ARL13A: variants seen among roughly 807,000 people sequenced by gnomAD.
ARL13A encodes ADP-ribosylation factor-like protein 13A.
In ARL13A, 16 loss-of-function variants were observed where a neutral mutation model predicts 19.1. The observed-to-expected ratio is 0.84, with a 90% CI of 0.57 to 1.27. ARL13A has a LOEUF of 1.27. ARL13A is among the 50% of genes most tolerant of loss of function. The pLI is 0.00. For synonymous variants in ARL13A, 69 were observed against 71.3 expected (o/e 0.97, Z 0.17); for missense variants, 153 against 186.4 (o/e 0.82, Z 1.04).
Position 100,986,856 on chromosome X carries a change from A to G in ARL13A, c.441A>G (p.Leu147=), listed in dbSNP as rs1294528707. 1 of 1,203,172 alleles carries G rather than the reference A, an allele frequency of 8.3e-7. No homozygotes were observed. The highest frequency in any genetic ancestry group is 2.2e-5 in the Admixed American group (1 of 45,070). Residue 147 remains leucine (L), a synonymous_variant, in exon 5 of 8, where the codon CTA becomes CTG. Coordinates refer to ENST00000450049, the MANE Select transcript of ARL13A (RefSeq NM_001162491.2). Reference sequence around the variant, plus strand: ...TGCCTTGTGATATTATTGACTATCTACTTCTAAAGAAGCTAGTGAAAGAGA... The same window carrying G: ...TGCCTTGTGATATTATTGACTATCTGCTTCTAAAGAAGCTAGTGAAAGAGA... ...ALMPCDIIDY[L]LLKKLVKENK...
intron 3 of ARL13A, 45 bp from the exon 4 acceptor site, chrX:100,985,622 G>A: frequency 8.5e-7 from 1 of 1,175,271 alleles, no homozygotes; most frequent in East Asian, 3.0e-5. Context: ...TGAGTATGGA[G>A]TTTCGATCTA....
At chrX:100,973,429 G>T (rs900400059) in intron 1 of ARL13A, among the ~76,000 whole-genome samples, 1 of 105,936 alleles carries the variant, frequency 9.4e-6, no homozygotes, top group Non-Finnish European at 2.0e-5. Context: ...CCCGGGCGGC[G>T]CTCGCCGGCG....
At chrX:100,972,353 G>C (rs1333484355) in intron 1 of ARL13A, among the ~76,000 whole-genome samples, 1 of 95,001 alleles carries the variant, frequency 1.1e-5, no homozygotes, top group Non-Finnish European at 2.2e-5. Context: ...CTGGCCGGGC[G>C]GGGGGCTGAC....
intron 5 of ARL13A, 118 bp downstream of exon 5, chrX:100,987,019 ACAC>A: frequency 2.2e-6 from 1 of 446,609 alleles, no homozygotes; most frequent in Non-Finnish European, 3.8e-6. Flanking sequence ...CTGTCAGGCA[ACAC>A]CCACAGTGAT....
At position 100,973,757 on chromosome X, in the gene ARL13A, A is replaced by G; in HGVS notation, c.59+9A>G. 1.7e-6 allele frequency: 2 copies of G among 1,208,268 alleles called. No homozygotes were observed. The highest frequency in any genetic ancestry group is 3.5e-5 in the South Asian group (2 of 56,783). ...ACAGAAGAGACACGAAGGTAATATT[A>G]CAATTATTTCCCTAGGCCTATTCCA... On this transcript the variant is annotated intron_variant, in intron 2 of 7. Coordinates refer to ENST00000450049, the MANE Select transcript of ARL13A (RefSeq NM_001162491.2).
At chrX:100,980,915 T>C (rs1356978794) in intron 3 of ARL13A, among the ~76,000 whole-genome samples, 9 of 111,894 alleles carry the variant, frequency 8.0e-5, no homozygotes, top group African/African-American at 2.9e-4. Context: ...AAATGGGGGC[T>C]TCGGGACTCT....
intron 3 of ARL13A, among the ~76,000 whole-genome samples, chrX:100,977,369 CTTTTTTTT>C (rs59915769): frequency 1.8e-5 from 1 of 56,462 alleles, no homozygotes; most frequent in African/African-American, 7.2e-5. Context: ...CTACTCTCTT[CTTTTTTTT>C]TTTTTTTTTT....
rs2085953002 is a variant in ARL13A, at chrX:100,987,494, T to C, written c.591T>C (p.Pro197=). 8.3e-7 allele frequency: 1 copy of C among 1,211,383 alleles called. No individual in the cohort carries two copies. Among genetic ancestry groups the C allele is most frequent in the Admixed American group, 2.2e-5 (1 of 45,997 alleles). The part of the protein sequence containing the change: ...LAVIDTCQLP[P]TSSISISKNN... ...TCATTGATACTTGCCAACTACCACC[T>C]ACCTCGAGCATCTCAATCTCCAAGA... Residue 197 remains proline, a synonymous_variant, in exon 6 of 8, where the codon CCT becomes CCC. Coordinates refer to ENST00000450049, the MANE Select transcript of ARL13A (RefSeq NM_001162491.2).
chrX:100,981,026 C>G lies in ARL13A; in HGVS notation c.131-4641C>G, dbSNP rs188704097. Among the ~76,000 whole-genome samples, 6 of 111,861 alleles carry G rather than the reference C, an allele frequency of 5.4e-5. No homozygotes were observed. In the Admixed American group the frequency reaches 5.7e-4, roughly 11 times the overall value. On this transcript the variant is annotated intron_variant, in intron 3 of 7. Transcript: ENST00000450049. Reference sequence around the variant, plus strand: ...CTCCTGGAGCTGCAAGCTGTGCTGCCCGGCACTGGTGGGAGGGGTGACACA... The same window carrying G: ...CTCCTGGAGCTGCAAGCTGTGCTGCGCGGCACTGGTGGGAGGGGTGACACA...
intron 4 of ARL13A, 110 bp from the exon 5 acceptor site, chrX:100,986,686 A>C (rs969417377): frequency 8.7e-6 from 4 of 457,336 alleles, no homozygotes; most frequent in Non-Finnish European, 1.5e-5. Context: ...GATATGTAGC[A>C]GTTATAGTAG....
chrX:100,981,455 G>A (rs2085853335), intron 3 of ARL13A, among the ~76,000 whole-genome samples: 1 of 109,980 alleles, frequency 9.1e-6, no homozygotes, highest in Admixed American at 9.7e-5. Flanking sequence ...AAAGGGTGGT[G>A]CTGGTGATTC....
chrX:100,988,268 A>G lies in ARL13A; in HGVS notation c.729A>G (p.Leu243=), dbSNP rs777557243. 1.7e-6 allele frequency: 2 copies of G among 1,207,612 alleles called. No homozygotes were observed. The highest frequency in any genetic ancestry group is 4.4e-5 in the Admixed American group (2 of 45,565). ...LEQCSIEAKP[L]KSILQPSNQS... is the part of the protein sequence containing the mutation. Reference sequence around the variant, plus strand: ...AATGCTCAATCGAAGCTAAGCCTCTAAAGTCAATCCTACAGGTAAATGGCC... The same window carrying G: ...AATGCTCAATCGAAGCTAAGCCTCTGAAGTCAATCCTACAGGTAAATGGCC... Residue 243 remains leucine (L), a synonymous_variant, in exon 7 of 8, where the codon CTA becomes CTG. Coordinates refer to ENST00000450049, the MANE Select transcript of ARL13A (RefSeq NM_001162491.2).
chrX:100,990,726 C>G lies in ARL13A; in HGVS notation c.*138C>G, dbSNP rs954898055. On this transcript the variant is annotated 3_prime_UTR_variant, in exon 8 of 8. Transcript: ENST00000450049. ...ATAAGTCATGGGTGATCAACCAAAA[C>G]TGAGCCTTAGAAATACAGGGTTCAT... 3.4e-5 allele frequency: 20 copies of G among 586,256 alleles called. No homozygotes were observed. The Admixed American group carries it at 6.9e-4, about 20-fold the overall frequency. The allele number at this position is 586,256 out of a possible 1,213,427, so 48.3% of individuals were successfully genotyped here. A position where few individuals can be genotyped will look rare whatever the true frequency, so the allele number is the denominator to read the frequency against.
In ARL13A at chrX:100,973,634, C is replaced by T; in HGVS notation, c.-14-42C>T. The T allele has an allele frequency of 4.3e-6, 5 of 1,152,723 alleles. No homozygotes were observed. In the South Asian group the frequency reaches 9.1e-5, roughly 21 times the overall value. 95.0% of individuals were successfully genotyped at this position (1,152,723 alleles called of 1,213,427 possible). ...CTGACTAAAGGCTCAGTGTTTATAACAGGACTTACTTCTTATTTTCTTTCT... is the reference window on the plus strand; with the variant it reads ...CTGACTAAAGGCTCAGTGTTTATAATAGGACTTACTTCTTATTTTCTTTCT... On this transcript the variant is annotated intron_variant, in intron 1 of 7. Transcript: ENST00000450049.
rs770049224 is a variant in ARL13A, at chrX:100,985,772, G to A, written c.236G>A (p.Arg79Gln). Residue 79 changes from arginine (R) to glutamine (Q), a missense_variant, in exon 4 of 8, where the codon CGG (arginine) becomes CAG (glutamine). Transcript: ENST00000450049. ...GACCTGAATGGAGACCTGAAGGGCC[G>A]GGAAGCATGGCCAAACTACTATGCA... ...IYDLNGDLKG[R>Q]EAWPNYYAQA... 3.1e-5 allele frequency: 38 copies of A among 1,209,379 alleles called. No individual in the cohort carries two copies. The highest frequency in any genetic ancestry group is 2.3e-4 in the Middle Eastern group (1 of 4,372).
At chrX:100,971,254 C>T (rs1338735861) in intron 1 of ARL13A, among the ~76,000 whole-genome samples, 4 of 97,492 alleles carry the variant, frequency 4.1e-5, no homozygotes, top group Middle Eastern at 4.8e-3. Flanking sequence ...CCCTGATAGC[C>T]CCAAAACTTG....
intron 3 of ARL13A, among the ~76,000 whole-genome samples, chrX:100,977,553 G>T (rs1183712817): frequency 1.8e-5 from 2 of 109,569 alleles, no homozygotes; most frequent in Non-Finnish European, 3.8e-5. Flanking sequence ...GCTTATTTTT[G>T]TATTTTTATT....
In ARL13A at chrX:100,990,705, G is replaced by C; in HGVS notation, c.*117G>C. On this transcript the variant is annotated 3_prime_UTR_variant, in exon 8 of 8. Coordinates refer to ENST00000450049, the MANE Select transcript of ARL13A (RefSeq NM_001162491.2). ...TGCTGACAAAGCTTGTGGACAATAA[G>C]TCATGGGTGATCAACCAAAACTGAG... The C allele has an allele frequency of 5.1e-6, 4 of 780,709 alleles. No individual in the cohort carries two copies. The highest frequency in any genetic ancestry group is 5.2e-5 in the South Asian group (2 of 38,547). 64.3% of individuals were successfully genotyped at this position (780,709 alleles called of 1,213,427 possible).
chrX:100,980,796 TAGTCAGG>T (rs1235078799), intron 3 of ARL13A, among the ~76,000 whole-genome samples: 2 of 111,178 alleles, frequency 1.8e-5, no homozygotes, highest in Admixed American at 9.6e-5. Flanking sequence ...AAGGGCTCTT[TAGTCAGG>T]TGGTGGTGAA....
Sources: gnomAD v4.1 joint callset for allele counts (sites outside exome capture counted in the v4.1 genomes callset) on GRCh38, gnomAD v4.1.1 for gene constraint, MANE v1.5 for transcripts, NCBI Gene and HGNC (gene_info 2026-07-23, HGNC 2026-07-21) for gene names.